ZNF267: variants seen among roughly 807,000 people sequenced by gnomAD.
ZNF267 encodes zinc finger protein 267.
ZNF267 carries 61 observed loss-of-function variants against 71.6 expected under a neutral mutation model. The observed-to-expected ratio is 0.85, with a 90% CI of 0.69 to 1.05. The LOEUF (loss-of-function observed/expected upper bound fraction) is 1.05. ZNF267 is among the 50% of genes least tolerant of loss of function. ZNF267 has a pLI of 0.00. For synonymous variants in ZNF267, 288 were observed against 293.2 expected, an observed-to-expected ratio of 0.98 and a Z score of 0.18; for missense variants, 852 against 870.0, an observed-to-expected ratio of 0.98 and a Z score of 0.26.
At chr16:31,875,109 A>G (rs2142325963) in intron 1 of ZNF267, 1 of 1,288,752 alleles carries the variant, frequency 7.8e-7, no homozygotes, top group Non-Finnish European at 1.0e-6. Context: ...GTTATCGGAA[A>G]GAATGTCTTT....
At chr16:31,881,837 G>C (rs937678617) in intron 1 of ZNF267, among the ~76,000 whole-genome samples, 4 of 151,894 alleles carry the variant, frequency 2.6e-5, no homozygotes, top group African/African-American at 9.7e-5. Flanking sequence ...GCTGATTTTT[G>C]TATTTTTAGT....
chr16:31,914,872 A>G lies in ZNF267; in HGVS notation c.623A>G (p.Asn208Ser). Residue 208 changes from asparagine to serine, a missense_variant, in exon 4 of 4, where the codon AAT becomes AGT. Coordinates refer to ENST00000300870, the MANE Select transcript of ZNF267 (RefSeq NM_003414.6). ...RQVSTLNSYR[N>S]VFIGEKNYHC... Reference sequence around the variant, plus strand: ...GTCTCTACTCTAAATAGTTACCGAAATGTTTTTATTGGAGAGAAAAATTAT... The same window carrying G: ...GTCTCTACTCTAAATAGTTACCGAAGTGTTTTTATTGGAGAGAAAAATTAT... The G allele has an allele frequency of 6.2e-7, 1 of 1,612,126 alleles. No homozygotes were observed. Among genetic ancestry groups the G allele is most frequent in the Admixed American group, 1.7e-5 (1 of 59,678 alleles).
chr16:31,883,489 G>A lies in ZNF267; in HGVS notation c.4-1009G>A, dbSNP rs192158211. On this transcript the variant is annotated intron_variant, in intron 1 of 3. Transcript: ENST00000300870. ...TTTCTTGTTTTCGTTACTCAGTTACGAAATCTTCTCTGAACATTCTGTTAA... is the reference window on the plus strand; with the variant it reads ...TTTCTTGTTTTCGTTACTCAGTTACAAAATCTTCTCTGAACATTCTGTTAA... Among the ~76,000 whole-genome samples the A allele has an allele frequency of 3.1e-3, 474 of 152,222 alleles. 1 individual carries two copies. Among genetic ancestry groups the A allele is most frequent in the Non-Finnish European group, 5.9e-3 (398 of 67,998 alleles).
intron 3 of ZNF267, among the ~76,000 whole-genome samples, chr16:31,900,073 T>G (rs1414466608): frequency 6.6e-6 from 1 of 151,990 alleles, no homozygotes; most frequent in Non-Finnish European, 1.5e-5. Flanking sequence ...GTGTATTCAT[T>G]TCCACAAGAT....
intron 3 of ZNF267, among the ~76,000 whole-genome samples, chr16:31,907,693 G>A (rs1388498920): frequency 6.6e-6 from 1 of 152,026 alleles, no homozygotes; most frequent in African/African-American, 2.4e-5. Flanking sequence ...TTTGAGGCCA[G>A]GAGTTTGAGA....
At chr16:31,911,617 C>T (rs983652134) in intron 3 of ZNF267, among the ~76,000 whole-genome samples, 1 of 150,982 alleles carries the variant, frequency 6.6e-6, no homozygotes, top group Non-Finnish European at 1.5e-5. Context: ...CTTTTTTTCA[C>T]CCATTCTATG....
rs2084158370 is a variant in ZNF267 at position 31,914,557 on chromosome 16, A to AT, written c.309dup (p.Gly104TrpfsTer4). 2 of 1,614,070 alleles carry AT rather than the reference A, an allele frequency of 1.2e-6. No homozygotes were observed. The highest frequency in any genetic ancestry group is 1.7e-6 in the Non-Finnish European group (2 of 1,180,034). ...TTCCAAAAAGTGATATCGAGGAGAC[A>AT]TGGGAGCTGTGATCTTGAGAATTTA... On this transcript the variant is annotated frameshift_variant, in exon 4 of 4. Transcript: ENST00000300870. LOFTEE classifies it high-confidence loss of function.
At chr16:31,907,979 C>T (rs1454706865) in intron 3 of ZNF267, among the ~76,000 whole-genome samples, 4 of 151,716 alleles carry the variant, frequency 2.6e-5, no homozygotes, top group Admixed American at 6.6e-5. Flanking sequence ...GGAGGTGGAG[C>T]TTGCAGTGAA....
chr16:31,916,141 C>T lies in ZNF267; in HGVS notation c.1892C>T (p.Pro631Leu). 6.2e-7 allele frequency: 1 copy of T among 1,614,126 alleles called. No homozygotes were observed. The highest frequency in any genetic ancestry group is 2.2e-5 in the East Asian group (1 of 44,864). The change falls in exon 4 of 4, where the codon CCC becomes CTC. Residue 631 changes from proline (P) to leucine (L), a missense_variant. Pro to Leu is a moderately conservative substitution (Grantham distance 98, BLOSUM62 -3). Coordinates refer to ENST00000300870, the MANE Select transcript of ZNF267 (RefSeq NM_003414.6). ...CGGAGAATTCATACTGGCCAGAGAC[C>T]CTACAAATGTGAAGAATGTGGCAAA... ...QHRRIHTGQR[P>L]YKCEECGKAF...
intron 3 of ZNF267, chr16:31,895,056 G>T: frequency 4.1e-6 from 1 of 245,082 alleles, no homozygotes; most frequent in Non-Finnish European, 8.0e-6. Flanking sequence ...CCTCCCAGGG[G>T]GCCTTCTGCT....
intron 3 of ZNF267, among the ~76,000 whole-genome samples, chr16:31,908,835 G>A (rs918039030): frequency 6.6e-5 from 10 of 152,030 alleles, no homozygotes; most frequent in African/African-American, 2.2e-4. Flanking sequence ...TTAGTGTAAT[G>A]TGAAATCAGA....
At chr16:31,883,835 G>T (rs1567472312) in intron 1 of ZNF267, among the ~76,000 whole-genome samples, 1 of 152,168 alleles carries the variant, frequency 6.6e-6, no homozygotes. Context: ...TTCAAAAGTG[G>T]CTTTGGGGCC....
chr16:31,904,412 TG>T (rs1567236771), intron 3 of ZNF267, among the ~76,000 whole-genome samples: 1 of 152,244 alleles, frequency 6.6e-6, no homozygotes, highest in East Asian at 1.9e-4. Flanking sequence ...TATTATTGTG[TG>T]GGAGTCTAAG....
At chr16:31,892,152 C>A (rs1347839882) in intron 3 of ZNF267, among the ~76,000 whole-genome samples, 1 of 152,118 alleles carries the variant, frequency 6.6e-6, no homozygotes, top group Non-Finnish European at 1.5e-5. Context: ...TTCCACGTGG[C>A]TGGGGAGGCC....
chr16:31,887,377 C>T (rs565169920), intron 3 of ZNF267, among the ~76,000 whole-genome samples: 1 of 150,408 alleles, frequency 6.6e-6, no homozygotes, highest in East Asian at 2.0e-4. Flanking sequence ...GCTGTGCATA[C>T]ACTTTTTTGT....
Position 31,915,665 on chromosome 16 carries a change from T to G in ZNF267, c.1416T>G (p.Ser472=). Residue 472 remains serine, a synonymous_variant, in exon 4 of 4, where the codon TCT becomes TCG. Coordinates refer to ENST00000300870, the MANE Select transcript of ZNF267 (RefSeq NM_003414.6). ...ACAAATGTAAAGTATGTAGCAAATCTTATGCTCGTTCTTCAAATCTTATTA... is the reference window on the plus strand; with the variant it reads ...ACAAATGTAAAGTATGTAGCAAATCGTATGCTCGTTCTTCAAATCTTATTA... The part of the protein sequence containing the change: ...KLYKCKVCSK[S]YARSSNLIMH... 2 of 1,613,852 alleles carry G rather than the reference T, an allele frequency of 1.2e-6. No individual in the cohort carries two copies. The highest frequency in any genetic ancestry group is 2.2e-5 in the East Asian group (1 of 44,854).
At chr16:31,906,443 C>T (rs1437206792) in intron 3 of ZNF267, among the ~76,000 whole-genome samples, 1 of 152,232 alleles carries the variant, frequency 6.6e-6, no homozygotes, top group East Asian at 1.9e-4. Flanking sequence ...AGCTTCCGGA[C>T]CGCTTTGTTT....
At chr16:31,884,470 G>A (rs1319929499) in intron 1 of ZNF267, 28 bp from the exon 2 acceptor site, 2 of 1,613,754 alleles carry the variant, frequency 1.2e-6, no homozygotes, top group Non-Finnish European at 1.7e-6. Flanking sequence ...TGGCCACATG[G>A]TCAGTGTATT....
chr16:31,892,436 A>T (rs942215936), intron 3 of ZNF267, among the ~76,000 whole-genome samples: 1 of 152,146 alleles, frequency 6.6e-6, no homozygotes. Context: ...GCCTCTCCCA[A>T]ATCTCATGTC....
Sources: allele counts gnomAD v4.1 joint callset (sites outside exome capture counted in the v4.1 genomes callset), GRCh38; gene constraint gnomAD v4.1.1; transcripts MANE v1.5; gene names NCBI Gene and HGNC (gene_info 2026-07-23, HGNC 2026-07-21).